The following CACNG3 variants were observed in gnomAD, a reference collection of about 807,000 sequenced individuals.
The protein encoded by CACNG3 is voltage-dependent calcium channel gamma-3 subunit.
CACNG3 carries 3 observed loss-of-function variants against 28.5 expected under a neutral mutation model. The ratio of observed to expected loss-of-function variants is 0.11; its 90% CI spans 0.05 to 0.27. The LOEUF (loss-of-function observed/expected upper bound fraction) is 0.27. Among genes scored for constraint, CACNG3 ranks in the 10% least tolerant of loss-of-function variants. CACNG3 has a pLI of 1.00. For missense variants in CACNG3, 236 were observed against 414.4 expected (o/e 0.57, Z 3.74); for synonymous variants, 174 against 162.2 (o/e 1.07, Z -0.55).
chr16:24,267,006 G>A (rs938605539), intron 1 of CACNG3, among the ~76,000 whole-genome samples: 15 of 143,058 alleles, frequency 1.0e-4, no homozygotes, highest in African/African-American at 2.7e-4. Flanking sequence ...TCGCTCTATC[G>A]CCCAGGCTGG....
intron 1 of CACNG3, among the ~76,000 whole-genome samples, chr16:24,296,603 C>T: frequency 6.6e-6 from 1 of 152,176 alleles, no homozygotes; most frequent in Non-Finnish European, 1.5e-5. Flanking sequence ...GTAATACTTT[C>T]TTCCCCCTCT....
At chr16:24,292,941 C>CA (rs1483892645) in intron 1 of CACNG3, among the ~76,000 whole-genome samples, 1 of 152,086 alleles carries the variant, frequency 6.6e-6, no homozygotes, top group Non-Finnish European at 1.5e-5. Flanking sequence ...GAAAGAAAAC[C>CA]AAAGGAAGGA....
At chr16:24,356,244 A>T (rs1326590078) in intron 3 of CACNG3, among the ~76,000 whole-genome samples, 1 of 152,174 alleles carries the variant, frequency 6.6e-6, no homozygotes, top group Non-Finnish European at 1.5e-5. Context: ...GTGATGGTAG[A>T]GTACTGATTG....
rs117621413 is a variant in CACNG3 at position 24,353,617 on chromosome 16, G to A, written c.296-1216G>A. Reference sequence around the variant, plus strand: ...GTCCCTTTTGAAGGGCAGTGCCTGCGCCCTTGTGGTGGTTAAACATGTCAG... The same window carrying A: ...GTCCCTTTTGAAGGGCAGTGCCTGCACCCTTGTGGTGGTTAAACATGTCAG... On this transcript the variant is annotated intron_variant, in intron 2 of 3. Coordinates refer to ENST00000005284, the MANE Select transcript of CACNG3 (RefSeq NM_006539.4). Among the ~76,000 whole-genome samples, 501 of 152,162 alleles carry A rather than the reference G, an allele frequency of 3.3e-3. 13 individuals carry two copies. In the East Asian group the frequency reaches 0.07, roughly 21 times the overall value.
intron 1 of CACNG3, among the ~76,000 whole-genome samples, chr16:24,298,502 CT>C (rs1274268695): frequency 2.0e-5 from 3 of 152,070 alleles, no homozygotes; most frequent in African/African-American, 7.2e-5. Context: ...TTTAAATAAA[CT>C]TTTTATTCTA....
At chr16:24,329,902 G>A (rs1402002511) in intron 1 of CACNG3, among the ~76,000 whole-genome samples, 2 of 152,146 alleles carry the variant, frequency 1.3e-5, no homozygotes, top group African/African-American at 4.8e-5. Context: ...TGGGCATGAT[G>A]GCATGCACCT....
At chr16:24,282,261 G>A (rs1898838978) in intron 1 of CACNG3, among the ~76,000 whole-genome samples, 1 of 152,216 alleles carries the variant, frequency 6.6e-6, no homozygotes, top group South Asian at 2.1e-4. Context: ...GAATCCTATG[G>A]CCGCCTTTTC....
rs550706122 is a variant in CACNG3 at position 24,299,769 on chromosome 16, C to G, written c.211+42804C>G. Among the ~76,000 whole-genome samples, 14 of 152,118 alleles carry G rather than the reference C, an allele frequency of 9.2e-5. No individual in the cohort carries two copies. In the South Asian group the frequency reaches 2.9e-3, roughly 32 times the overall value. ...TGACGTGGTTCATTCTAGCTTTCTC[C>G]CTCCTTGAAGATAGCCATATTTGAA... On this transcript the variant is annotated intron_variant, in intron 1 of 3. Transcript: ENST00000005284.
intron 2 of CACNG3, among the ~76,000 whole-genome samples, chr16:24,353,885 T>C (rs141077053): frequency 6.6e-6 from 1 of 152,116 alleles, no homozygotes; most frequent in Non-Finnish European, 1.5e-5. Flanking sequence ...CAGGGTCCAG[T>C]GTGAAATGAA....
At position 24,362,075 on chromosome 16, in the gene CACNG3, C is replaced by A; in HGVS notation, c.*212C>A. On this transcript the variant is annotated 3_prime_UTR_variant, in exon 4 of 4. Coordinates refer to ENST00000005284, the MANE Select transcript of CACNG3 (RefSeq NM_006539.4). Reference sequence around the variant, plus strand: ...ACTTTTCAAGCCAATCCCTTAATGTCATTCCTCTCTCTGTGTATCTGTGCC... The same window carrying A: ...ACTTTTCAAGCCAATCCCTTAATGTAATTCCTCTCTCTGTGTATCTGTGCC... 1 of 496,714 alleles carries A rather than the reference C, an allele frequency of 2.0e-6. No homozygotes were observed. Among genetic ancestry groups the A allele is most frequent in the South Asian group, 4.3e-5 (1 of 23,316 alleles). The allele number at this position is 496,714 out of a possible 1,614,324, so 30.8% of individuals were successfully genotyped here. A position where few individuals can be genotyped will look rare whatever the true frequency, so the allele number is the denominator to read the frequency against.
At chr16:24,297,557 G>T (rs928246801) in intron 1 of CACNG3, among the ~76,000 whole-genome samples, 1 of 152,170 alleles carries the variant, frequency 6.6e-6, no homozygotes, top group East Asian at 1.9e-4. Context: ...CCAAGTGTTT[G>T]TTGAGAACCT....
In CACNG3 at chr16:24,329,237, C is replaced by T. The variant is rs548449840; in HGVS notation, c.212-17497C>T. On this transcript the variant is annotated intron_variant, in intron 1 of 3. Coordinates refer to ENST00000005284, the MANE Select transcript of CACNG3 (RefSeq NM_006539.4). ...GGATGTCAGGTGCAGTTAATGGTTG[C>T]CGTGGCAACCACCCATGCTTAATGA... Among the ~76,000 whole-genome samples, 9 of 152,276 alleles carry T rather than the reference C, an allele frequency of 5.9e-5. No homozygotes were observed. The South Asian group carries it at 1.9e-3, about 32-fold the overall frequency.
intron 1 of CACNG3, among the ~76,000 whole-genome samples, chr16:24,335,811 C>T (rs1207486844): frequency 6.6e-6 from 1 of 152,066 alleles, no homozygotes; most frequent in Non-Finnish European, 1.5e-5. Context: ...GGTGGTGGCT[C>T]ACGCCTGTAA....
At chr16:24,259,219 A>G (rs898981838) in intron 1 of CACNG3, among the ~76,000 whole-genome samples, 5 of 152,248 alleles carry the variant, frequency 3.3e-5, no homozygotes, top group Admixed American at 1.3e-4. Flanking sequence ...TGCACAAATC[A>G]CAATGAATCA....
chr16:24,285,906 C>T (rs1292075263), intron 1 of CACNG3, among the ~76,000 whole-genome samples: 6 of 148,730 alleles, frequency 4.0e-5, no homozygotes, highest in Admixed American at 1.3e-4. Context: ...AGCAGTGGCG[C>T]GATCTCAGCT....
At chr16:24,330,424 A>G (rs1326531759) in intron 1 of CACNG3, among the ~76,000 whole-genome samples, 1 of 152,154 alleles carries the variant, frequency 6.6e-6, no homozygotes, top group African/African-American at 2.4e-5. Flanking sequence ...ATACTCCCTG[A>G]GGGCAAGTTT....
chr16:24,303,088 A>G (rs1049796724), intron 1 of CACNG3, among the ~76,000 whole-genome samples: 1 of 151,366 alleles, frequency 6.6e-6, no homozygotes, highest in Non-Finnish European at 1.5e-5. Context: ...ACCACCGCAC[A>G]TGGCCTAATA....
At chr16:24,339,162 G>A (rs1899748682) in intron 1 of CACNG3, among the ~76,000 whole-genome samples, 1 of 151,986 alleles carries the variant, frequency 6.6e-6, no homozygotes, top group South Asian at 2.1e-4. Context: ...AATTTAAAAG[G>A]GATTAACTGA....
intron 1 of CACNG3, among the ~76,000 whole-genome samples, chr16:24,301,756 T>G (rs1899115171): frequency 6.6e-6 from 1 of 152,194 alleles, no homozygotes; most frequent in Non-Finnish European, 1.5e-5. Context: ...TCCTTCATCT[T>G]CGCATGCAGC....
Sources: allele counts gnomAD v4.1 joint callset (sites outside exome capture counted in the v4.1 genomes callset), GRCh38; gene constraint gnomAD v4.1.1; transcripts MANE v1.5; gene names NCBI Gene and HGNC (gene_info 2026-07-23, HGNC 2026-07-21).